Variants in COL27A1 observed in about 807,000 individuals in gnomAD.
The protein encoded by COL27A1 is collagen alpha-1(XXVII) chain.
COL27A1 carries 106 observed loss-of-function variants against 251.3 expected under a neutral mutation model. That is an observed-to-expected ratio of 0.42 (90% confidence interval 0.36 to 0.50). The LOEUF (loss-of-function observed/expected upper bound fraction) is 0.50, where lower values mean the gene tolerates loss of function less well. Ranked by LOEUF, COL27A1 falls within the 20% of genes least tolerant of loss-of-function variation. The probability of loss-of-function intolerance (pLI) is 0.00; values close to 1 mark genes in which losing one functional copy is unlikely to be tolerated. For synonymous variants in COL27A1, 1,000 were observed against 986.3 expected, an observed-to-expected ratio of 1.01 and a Z score of -0.26; for missense variants, 2,325 against 2,522.8, an observed-to-expected ratio of 0.92 and a Z score of 1.68.
rs753526489 is a variant in COL27A1 at position 114,167,873 on chromosome 9, C to T, written c.318C>T (p.Ser106=). Residue 106 remains serine (S), a synonymous_variant, in exon 3 of 61, where the codon TCC becomes TCT. Transcript: ENST00000356083. ...TGGCACTGGTGCTGAGCCTCTGCTC[C>T]CACCGGGTGAACCATGCCTTCCTCT... ...TELALVLSLC[S]HRVNHAFLFA... 1.2e-6 allele frequency: 2 copies of T among 1,613,416 alleles called. No homozygotes were observed. Among genetic ancestry groups the T allele is most frequent in the African/African-American group, 2.7e-5 (2 of 74,952 alleles).
At chr9:114,170,357 G>A (rs900224755) in intron 3 of COL27A1, among the ~76,000 whole-genome samples, 1 of 152,222 alleles carries the variant, frequency 6.6e-6, no homozygotes, top group Admixed American at 6.5e-5. Flanking sequence ...CACAGCTGGA[G>A]GCCAATTCCT....
chr9:114,200,286 C>T (rs542471053), intron 7 of COL27A1, among the ~76,000 whole-genome samples: 17 of 152,324 alleles, frequency 1.1e-4, no homozygotes, highest in Non-Finnish European at 2.9e-5. Flanking sequence ...CTGTCCAAGT[C>T]CTGCTCCTCC....
intron 13 of COL27A1, among the ~76,000 whole-genome samples, chr9:114,221,136 G>C (rs1014270963): frequency 6.6e-6 from 1 of 152,188 alleles, no homozygotes; most frequent in Non-Finnish European, 1.5e-5. Flanking sequence ...GGAGTTCATG[G>C]GCCATTGCCC....
chr9:114,288,141 T>C (rs1177268735), intron 41 of COL27A1, among the ~76,000 whole-genome samples: 1 of 152,086 alleles, frequency 6.6e-6, no homozygotes, highest in African/African-American at 2.4e-5. Context: ...GGAAGGGAAG[T>C]GTTGCAGGCC....
chr9:114,173,942 T>C (rs1849509157), intron 3 of COL27A1, among the ~76,000 whole-genome samples: 1 of 151,256 alleles, frequency 6.6e-6, no homozygotes, highest in Non-Finnish European at 1.5e-5. Flanking sequence ...TCATGACACA[T>C]GTCAGCTAGA....
At chr9:114,201,075 T>A (rs1360156422) in intron 7 of COL27A1, among the ~76,000 whole-genome samples, 1 of 152,184 alleles carries the variant, frequency 6.6e-6, no homozygotes, top group East Asian at 1.9e-4. Context: ...ATGTCTGGTT[T>A]CTCCTTGCGC....
chr9:114,270,717 AC>A lies in COL27A1; in HGVS notation c.3556-9del, dbSNP rs1434567064. 2.5e-6 allele frequency: 4 copies of A among 1,607,720 alleles called. No homozygotes were observed. The highest frequency in any genetic ancestry group is 1.3e-5 in the African/African-American group (1 of 74,596). On this transcript the variant is annotated splice_polypyrimidine_tract_variant and intron_variant, in intron 35 of 60. Coordinates refer to ENST00000356083, the MANE Select transcript of COL27A1 (RefSeq NM_032888.4). Reference sequence around the variant, plus strand: ...TAACATCTCCTCCTCTTTCTCCATCACCTTTTCCAGGGAGAGCCAGGCCTTG... The same window carrying A: ...TAACATCTCCTCCTCTTTCTCCATCACTTTTCCAGGGAGAGCCAGGCCTTG...
chr9:114,300,954 G>T, intron 51 of COL27A1, 118 bp from the exon 52 acceptor site: 7 of 1,030,064 alleles, frequency 6.8e-6, no homozygotes, highest in Non-Finnish European at 1.0e-5. Flanking sequence ...GCCTGGGCCC[G>T]CTTCAGATGG....
At position 114,221,047 on chromosome 9, in the gene COL27A1, G is replaced by A. The variant is rs566970123; in HGVS notation, c.2422-1176G>A. On this transcript the variant is annotated intron_variant, in intron 13 of 60. Transcript: ENST00000356083. ...GTGAGAATGACAGGAGGGCAGCCAA[G>A]GTGTTGCCTCATCACACAGGTTCAG... Among the ~76,000 whole-genome samples, 145 of 151,434 alleles carry A rather than the reference G, an allele frequency of 9.6e-4. No homozygotes were observed. The Middle Eastern group carries it at 0.01, about 11-fold the overall frequency.
chr9:114,175,744 G>A lies in COL27A1; in HGVS notation c.1909-2547G>A, dbSNP rs1827386602. Among the ~76,000 whole-genome samples the A allele has an allele frequency of 2.6e-5, 4 of 152,196 alleles. No individual in the cohort carries two copies. The South Asian group carries it at 8.3e-4, about 32-fold the overall frequency. On this transcript the variant is annotated intron_variant, in intron 3 of 60. Coordinates refer to ENST00000356083, the MANE Select transcript of COL27A1 (RefSeq NM_032888.4). ...GAGTGTCCAGGCCTCTGCAGCTGCA[G>A]CCCCACCAGGGTCCATGAAGGAGCT...
intron 24 of COL27A1, among the ~76,000 whole-genome samples, chr9:114,248,698 C>T (rs185739957): frequency 1.5e-3 from 227 of 152,172 alleles, no homozygotes; most frequent in African/African-American, 5.2e-3. Context: ...GGGTGCGGGT[C>T]GGGGGATGGG....
At chr9:114,173,233 T>C (rs1849447677) in intron 3 of COL27A1, among the ~76,000 whole-genome samples, 1 of 152,252 alleles carries the variant, frequency 6.6e-6, no homozygotes, top group Non-Finnish European at 1.5e-5. Flanking sequence ...GTCAAGGCCT[T>C]ATTTATTCAC....
In COL27A1 at chr9:114,169,263, G is replaced by T. The variant is rs539738813; in HGVS notation, c.1708G>T (p.Asp570Tyr). The change falls in exon 3 of 61, where the codon GAT becomes TAT. Residue 570 changes from aspartate (D) to tyrosine (Y), a missense_variant. Asp to Tyr is a radical substitution (Grantham distance 160, BLOSUM62 -3). Transcript: ENST00000356083. ...GKAARDVPLSDLTTRPSPRQP... is the reference protein window; with the variant it reads ...GKAARDVPLSYLTTRPSPRQP... ...GGCAGCCAGGGATGTCCCCTTGAGC[G>T]ATCTGACAACCAGGCCTAGCCCCAG... The T allele has an allele frequency of 3.4e-5, 55 of 1,612,640 alleles. No homozygotes were observed. Among genetic ancestry groups the T allele is most frequent in the Non-Finnish European group, 4.6e-5 (54 of 1,179,350 alleles).
At position 114,294,045 on chromosome 9, in the gene COL27A1, T is replaced by C. The variant is rs183844951; in HGVS notation, c.4584+1835T>C. ...CGAGGTCAAGAGTTTGAGACCAGCC[T>C]GGCCAAAATGGTGAAACCCCATCTC... is the stretch of plus-strand genomic sequence containing the variant. On this transcript the variant is annotated intron_variant, in intron 49 of 60. Coordinates refer to ENST00000356083, the MANE Select transcript of COL27A1 (RefSeq NM_032888.4). 4.8e-3 allele frequency among the ~76,000 whole-genome samples: 714 copies of C among 149,440 alleles called. 6 individuals are homozygous for C. Among genetic ancestry groups the C allele is most frequent in the African/African-American group, 0.017 (682 of 40,538 alleles).
At position 114,236,986 on chromosome 9, in the gene COL27A1, C is replaced by T. The variant is rs1832443116; in HGVS notation, c.2625C>T (p.Ser875=). 3.1e-6 allele frequency: 5 copies of T among 1,612,962 alleles called. No homozygotes were observed. In the South Asian group the frequency reaches 5.5e-5, roughly 18 times the overall value. ...GDPGFQGDKG[S]QGLPGFPGAR... is the part of the protein sequence containing the mutation. ...CTGCTCTGGATCTCTTCCAGGGGAG[C>T]CAGGGGTTGCCAGGGTTCCCCGGTG... Residue 875 remains serine, a synonymous_variant, in exon 18 of 61, where the codon AGC becomes AGT. Transcript: ENST00000356083.
intron 5 of COL27A1, among the ~76,000 whole-genome samples, chr9:114,187,577 G>A (rs1395044042): frequency 6.6e-6 from 1 of 152,234 alleles, no homozygotes; most frequent in Non-Finnish European, 1.5e-5. Context: ...TGACCTCAAG[G>A]TGTCAATCTA....
intron 45 of COL27A1, 81 bp downstream of exon 45, chr9:114,289,376 C>A: frequency 7.2e-7 from 1 of 1,383,560 alleles, no homozygotes; most frequent in Non-Finnish European, 9.8e-7. Flanking sequence ...GCAAACCAAA[C>A]GCAGGCTGCA....
chr9:114,207,076 G>A (rs142967853), intron 10 of COL27A1, among the ~76,000 whole-genome samples: 210 of 152,332 alleles, frequency 1.4e-3, no homozygotes, highest in African/African-American at 4.8e-3. Context: ...CGCCTAAGGC[G>A]GATCTGGGAT....
chr9:114,202,985 T>C (rs1431830156), intron 7 of COL27A1, among the ~76,000 whole-genome samples: 9 of 152,222 alleles, frequency 5.9e-5, no homozygotes, highest in Non-Finnish European at 8.8e-5. Context: ...AATTACCATC[T>C]TAACCAATTT....
Sources: allele counts gnomAD v4.1 joint callset (sites outside exome capture counted in the v4.1 genomes callset), GRCh38; gene constraint gnomAD v4.1.1; transcripts MANE v1.5; gene names NCBI Gene and HGNC (gene_info 2026-07-23, HGNC 2026-07-21).